MAMDC2: variants seen among roughly 807,000 people sequenced by gnomAD.
The protein encoded by MAMDC2 is MAM domain-containing protein 2.
A neutral mutation model predicts 89.8 loss-of-function variants in MAMDC2; 57 were observed. The observed-to-expected ratio is 0.63, with a 90% CI of 0.51 to 0.79. The LOEUF (loss-of-function observed/expected upper bound fraction) is 0.79. MAMDC2 is among the 30% of genes least tolerant of loss of function. The pLI is 0.00. For missense variants in MAMDC2, 800 were observed against 820.6 expected (o/e 0.97, Z 0.31); for synonymous variants, 313 against 293.4 (o/e 1.07, Z -0.68).
At chr9:70,212,100 G>C (rs1260921746) in intron 11 of MAMDC2, among the ~76,000 whole-genome samples, 1 of 152,360 alleles carries the variant, frequency 6.6e-6, no homozygotes, top group East Asian at 1.9e-4. Context: ...GAGGCAGTCT[G>C]TCTGTTCTCA....
In MAMDC2 at chr9:70,113,151, G is replaced by C. The variant is rs952378796; in HGVS notation, c.643+19G>C. 6.2e-7 allele frequency: 1 copy of C among 1,613,184 alleles called. No individual in the cohort carries two copies. Reference sequence around the variant, plus strand: ...GAACTGGGTGAGCTGGGATCAAATAGAGTCCTTTTCCCAGGATAAATTTTT... The same window carrying C: ...GAACTGGGTGAGCTGGGATCAAATACAGTCCTTTTCCCAGGATAAATTTTT... On this transcript the variant is annotated intron_variant, in intron 5 of 13. Coordinates refer to ENST00000377182, the MANE Select transcript of MAMDC2 (RefSeq NM_153267.5).
intron 2 of MAMDC2, among the ~76,000 whole-genome samples, chr9:70,099,423 C>A (rs117616950): frequency 6.6e-6 from 1 of 152,126 alleles, no homozygotes; most frequent in Non-Finnish European, 1.5e-5. Context: ...ATGGCTTATA[C>A]ATAATTGAGG....
At position 70,109,811 on chromosome 9, in the gene MAMDC2, G is replaced by A. The variant is rs915132708; in HGVS notation, c.505+7G>A. On this transcript the variant is annotated splice_region_variant and intron_variant, in intron 4 of 13. Coordinates refer to ENST00000377182, the MANE Select transcript of MAMDC2 (RefSeq NM_153267.5). Reference sequence around the variant, plus strand: ...ACAACCGGCTACTGTATTGGTAAGTGGGCTTCATTTTCATTAAATCAAATT... The same window carrying A: ...ACAACCGGCTACTGTATTGGTAAGTAGGCTTCATTTTCATTAAATCAAATT... 2.1e-5 allele frequency: 33 copies of A among 1,607,518 alleles called. No individual in the cohort carries two copies. The highest frequency in any genetic ancestry group is 2.7e-5 in the Non-Finnish European group (32 of 1,174,564).
chr9:70,073,528 A>G (rs1276397860), intron 2 of MAMDC2, among the ~76,000 whole-genome samples: 1 of 152,168 alleles, frequency 6.6e-6, no homozygotes, highest in South Asian at 2.1e-4. Context: ...TTAAGCTACT[A>G]AAGGGTCTCA....
chr9:70,198,413 C>T (rs1232098907), intron 11 of MAMDC2, among the ~76,000 whole-genome samples: 1 of 151,980 alleles, frequency 6.6e-6, no homozygotes, highest in East Asian at 1.9e-4. Context: ...TTATATGATA[C>T]TATGCTGTCA....
At position 70,108,366 on chromosome 9, in the gene MAMDC2, C is replaced by G. The variant is rs770807624; in HGVS notation, c.304C>G (p.Leu102Val). 1.2e-6 allele frequency: 2 copies of G among 1,614,122 alleles called. No homozygotes were observed. Among genetic ancestry groups the G allele is most frequent in the Non-Finnish European group, 1.7e-6 (2 of 1,179,990 alleles). Residue 102 changes from leucine (L) to valine (V), a missense_variant, in exon 3 of 14, where the codon CTC (leucine) becomes GTC (valine). Leu to Val is a conservative substitution (Grantham distance 32). Transcript: ENST00000377182. ...ESLSDPSQLN[L>V]YMRFEDESFD... ...TCTGTCAGATCCCAGCCAGCTGAAC[C>G]TCTACATGAGATTTGAAGATGAAAG...
At chr9:70,160,512 A>G (rs2031934718) in intron 9 of MAMDC2, among the ~76,000 whole-genome samples, 1 of 152,176 alleles carries the variant, frequency 6.6e-6, no homozygotes, top group African/African-American at 2.4e-5. Flanking sequence ...CTGTCCCACC[A>G]TGAAAAGAAC....
intron 10 of MAMDC2, among the ~76,000 whole-genome samples, chr9:70,169,269 C>A (rs1443679693): frequency 1.3e-5 from 2 of 152,080 alleles, no homozygotes; most frequent in Non-Finnish European, 2.9e-5. Context: ...ATAGACCAAG[C>A]AATGATGATA....
chr9:70,119,586 C>T (rs1474953030), intron 5 of MAMDC2, among the ~76,000 whole-genome samples: 1 of 152,200 alleles, frequency 6.6e-6, no homozygotes, highest in Non-Finnish European at 1.5e-5. Context: ...TTTCCAGTTA[C>T]TTTCAGGTAT....
chr9:70,191,274 C>T (rs762717595), intron 11 of MAMDC2, among the ~76,000 whole-genome samples: 6 of 152,242 alleles, frequency 3.9e-5, no homozygotes, highest in Non-Finnish European at 7.4e-5. Context: ...AGTCCTTACT[C>T]CACCATTTCA....
At chr9:70,128,691 C>T (rs1230768245) in intron 6 of MAMDC2, among the ~76,000 whole-genome samples, 1 of 152,140 alleles carries the variant, frequency 6.6e-6, no homozygotes, top group Non-Finnish European at 1.5e-5. Flanking sequence ...GGGTCTCACT[C>T]TGTCACCCAG....
chr9:70,160,844 C>T (rs1210658103), intron 9 of MAMDC2, among the ~76,000 whole-genome samples: 3 of 151,780 alleles, frequency 2.0e-5, no homozygotes, highest in Non-Finnish European at 4.4e-5. Flanking sequence ...CATCAACAAA[C>T]GTAAGGCAAA....
intron 12 of MAMDC2, among the ~76,000 whole-genome samples, chr9:70,223,631 A>G (rs577016107): frequency 1.4e-4 from 22 of 152,294 alleles, no homozygotes; most frequent in African/African-American, 4.1e-4. Context: ...TTTCCCTTAA[A>G]ATTTCAAACT....
At chr9:70,065,093 C>G (rs1042401140) in intron 2 of MAMDC2, among the ~76,000 whole-genome samples, 2 of 152,162 alleles carry the variant, frequency 1.3e-5, no homozygotes, top group African/African-American at 2.4e-5. Flanking sequence ...CAAAATCACA[C>G]AGGAAACATA....
At chr9:70,058,910 T>C (rs930019195) in intron 2 of MAMDC2, among the ~76,000 whole-genome samples, 1 of 152,090 alleles carries the variant, frequency 6.6e-6, no homozygotes, top group Non-Finnish European at 1.5e-5. Context: ...CAACAAGAAT[T>C]TTCTGCCTGG....
chr9:70,110,532 C>G (rs752782), intron 4 of MAMDC2, among the ~76,000 whole-genome samples: 5,009 of 152,182 alleles, frequency 0.033, 266 homozygotes, highest in African/African-American at 0.11. Context: ...CATGGCCAGA[C>G]CCCTGTGGGG....
At chr9:70,164,444 T>G (rs775588975) in intron 9 of MAMDC2, among the ~76,000 whole-genome samples, 35 of 152,200 alleles carry the variant, frequency 2.3e-4, no homozygotes, top group South Asian at 4.1e-4. Flanking sequence ...CTAGGCAGAT[T>G]TCCTCGGCTA....
chr9:70,057,802 T>C (rs767102950), intron 2 of MAMDC2, among the ~76,000 whole-genome samples: 8 of 152,168 alleles, frequency 5.3e-5, no homozygotes, highest in East Asian at 3.8e-4. Context: ...CTTGGAGACG[T>C]TGACAAAGGA....
chr9:70,191,143 C>CTTGGGAAAAGCACTCTTGGA (rs2118601233), intron 11 of MAMDC2, among the ~76,000 whole-genome samples: 1 of 152,174 alleles, frequency 6.6e-6, no homozygotes, highest in East Asian at 1.9e-4. Context: ...GCAAAGAGTG[C>CTTGGGAAAAGCACTCTTGGA]TTGGGAAAAG....
Sources: allele counts gnomAD v4.1 joint callset (sites outside exome capture counted in the v4.1 genomes callset), GRCh38; gene constraint gnomAD v4.1.1; transcripts MANE v1.5; gene names NCBI Gene and HGNC (gene_info 2026-07-23, HGNC 2026-07-21).